The following PSMD1 variants were observed in gnomAD, a reference collection of about 807,000 sequenced individuals.
PSMD1 encodes proteasome 26S subunit, non-ATPase 1, also known as 26S proteasome non-ATPase regulatory subunit 1.
A neutral mutation model predicts 119.0 loss-of-function variants in PSMD1; 18 were observed. The observed-to-expected ratio is 0.15, with a 90% confidence interval of 0.10 to 0.22. PSMD1 has a LOEUF of 0.22. Ranked by LOEUF, PSMD1 falls within the 10% of genes least tolerant of loss-of-function variation. The pLI, the probability that PSMD1 is intolerant of heterozygous loss-of-function variation, is 1.00. For synonymous variants in PSMD1, 374 were observed against 396.6 expected (o/e 0.94, Z 0.68); for missense variants, 702 against 1,158.5 (o/e 0.61, Z 5.72).
At chr2:231,070,809 A>G (rs1352606752) in intron 6 of PSMD1, among the ~76,000 whole-genome samples, 1 of 152,004 alleles carries the variant, frequency 6.6e-6, no homozygotes, top group African/African-American at 2.4e-5. Flanking sequence ...GCATGGGTTT[A>G]CTTTTTAACA....
intron 16 of PSMD1, chr2:231,124,273 C>G (rs908650774): frequency 2.5e-5 from 4 of 159,308 alleles, no homozygotes; most frequent in Non-Finnish European, 5.6e-5. Context: ...TACTGTATTT[C>G]TGATGTTGCT....
chr2:231,099,741 C>G (rs1694817073), intron 16 of PSMD1, among the ~76,000 whole-genome samples: 1 of 152,118 alleles, frequency 6.6e-6, no homozygotes, highest in African/African-American at 2.4e-5. Flanking sequence ...AAATCTCTGC[C>G]TTTTCTGCTA....
chr2:231,105,982 T>C (rs1694964955), intron 16 of PSMD1, among the ~76,000 whole-genome samples: 1 of 151,956 alleles, frequency 6.6e-6, no homozygotes, highest in Non-Finnish European at 1.5e-5. Flanking sequence ...TTTGTTTTCT[T>C]CTCTCCATTA....
chr2:231,058,391 CATA>C, intron 1 of PSMD1, among the ~76,000 whole-genome samples: 1 of 152,324 alleles, frequency 6.6e-6, no homozygotes, highest in East Asian at 1.9e-4. Context: ...ACTTTAATCA[CATA>C]ATACTTCTTT....
In PSMD1 at chr2:231,170,407, T is replaced by C. The variant is rs1192449257; in HGVS notation, c.2716-159T>C. 1.4e-6 allele frequency: 1 copy of C among 700,836 alleles called. No individual in the cohort carries two copies. Among genetic ancestry groups the C allele is most frequent in the Non-Finnish European group, 2.2e-6 (1 of 463,518 alleles). The allele number at this position is 700,836 out of a possible 1,614,324, so 43.4% of individuals were successfully genotyped here. Reference sequence around the variant, plus strand: ...GGGTTAAGTTTGCAAATACTTCGTATAGATCACAGTTATCTTTATCCCAGT... The same window carrying C: ...GGGTTAAGTTTGCAAATACTTCGTACAGATCACAGTTATCTTTATCCCAGT... On this transcript the variant is annotated intron_variant, in intron 23 of 24. Coordinates refer to ENST00000308696, the MANE Select transcript of PSMD1 (RefSeq NM_002807.4). The surrounding 1 kb of genome is among the most constrained non-coding windows in gnomAD (Gnocchi z 4.1).
chr2:231,087,413 T>C (rs189749707), intron 16 of PSMD1, among the ~76,000 whole-genome samples: 1 of 152,312 alleles, frequency 6.6e-6, no homozygotes, highest in African/African-American at 2.4e-5. Flanking sequence ...GTTATTTCTG[T>C]TCATTTTTTG....
At chr2:231,113,773 G>A (rs778441328) in intron 16 of PSMD1, 2 of 1,614,094 alleles carry the variant, frequency 1.2e-6, no homozygotes, top group Admixed American at 3.3e-5. Context: ...GAATGCTGTA[G>A]CCCGTGAGTT....
intron 16 of PSMD1, among the ~76,000 whole-genome samples, chr2:231,125,394 T>G (rs1299022609): frequency 6.6e-6 from 1 of 152,246 alleles, no homozygotes; most frequent in Non-Finnish European, 1.5e-5. Flanking sequence ...AGAGGTTTCA[T>G]TCTTTGAAGA....
rs1208034198 is a variant in PSMD1 at position 231,083,670 on chromosome 2, G to A, written c.1629G>A (p.Lys543=). The A allele has an allele frequency of 6.2e-7, 1 of 1,614,216 alleles. No homozygotes were observed. ...ATGCACAAGAAACTCAACATGAGAA[G>A]ATTCTGCGTGGTCTTGCAGTTGGCA... ...VGYAQETQHE[K]ILRGLAVGIA... Residue 543 remains lysine, a synonymous_variant, in exon 14 of 25, where the codon AAG becomes AAA. Coordinates refer to ENST00000308696, the MANE Select transcript of PSMD1 (RefSeq NM_002807.4).
At chr2:231,128,174 A>G (rs1039246727) in intron 16 of PSMD1, among the ~76,000 whole-genome samples, 2 of 152,246 alleles carry the variant, frequency 1.3e-5, no homozygotes, top group African/African-American at 4.8e-5. Flanking sequence ...CAGGGATTGT[A>G]TCTGCTACAT....
chr2:231,080,703 C>G lies in PSMD1; in HGVS notation c.1413+389C>G, dbSNP rs562042227. On this transcript the variant is annotated intron_variant, in intron 12 of 24. Transcript: ENST00000308696. ...TTTGATAATTGTTTAAAATGTAAAT[C>G]TTTTGGAAAAGCTTACTAAGTAGCC... 2.0e-5 allele frequency among the ~76,000 whole-genome samples: 3 copies of G among 152,236 alleles called. No individual in the cohort carries two copies. In the South Asian group the frequency reaches 6.2e-4, roughly 32 times the overall value.
intron 17 of PSMD1, among the ~76,000 whole-genome samples, chr2:231,143,115 TTTGTTGTTTTTC>T (rs976619378): frequency 3.9e-5 from 6 of 152,080 alleles, no homozygotes; most frequent in Non-Finnish European, 8.8e-5. Flanking sequence ...TGTGGGGTTT[TTTGTTGTTTTTC>T]TTGTTGTTTT....
intron 16 of PSMD1, among the ~76,000 whole-genome samples, chr2:231,119,681 G>A (rs528081879): frequency 6.6e-6 from 1 of 151,990 alleles, no homozygotes; most frequent in East Asian, 2.0e-4. Context: ...GACCAGCCTG[G>A]CCAAAGTGGC....
chr2:231,110,905 T>A (rs939489942), intron 16 of PSMD1, among the ~76,000 whole-genome samples: 1 of 152,352 alleles, frequency 6.6e-6, no homozygotes, highest in Admixed American at 6.5e-5. Flanking sequence ...TGTCTTACCC[T>A]TTATAGAAAA....
At position 231,140,096 on chromosome 2, in the gene PSMD1, T is replaced by TC. The variant is rs1553566465; in HGVS notation, c.1998+1246_1998+1247insC. Among the ~76,000 whole-genome samples the TC allele has an allele frequency of 3.3e-5, 5 of 152,306 alleles. No homozygotes were observed. In the East Asian group the frequency reaches 5.8e-4, roughly 18 times the overall value. ...TCAGAGAGAAAGGAGTCACTTTTTT[T>TC]ATCATCTGTTGTCCAAACTCAAAAC... On this transcript the variant is annotated intron_variant, in intron 17 of 24. Coordinates refer to ENST00000308696, the MANE Select transcript of PSMD1 (RefSeq NM_002807.4).
At chr2:231,059,520 G>A (rs1178538755) in intron 1 of PSMD1, among the ~76,000 whole-genome samples, 2 of 152,134 alleles carry the variant, frequency 1.3e-5, no homozygotes, top group African/African-American at 4.8e-5. Context: ...GCTTCCAGGC[G>A]GGAGATGTGA....
intron 4 of PSMD1, among the ~76,000 whole-genome samples, chr2:231,063,410 T>C (rs954722156): frequency 1.3e-5 from 2 of 152,236 alleles, no homozygotes; most frequent in African/African-American, 4.8e-5. Flanking sequence ...TATCAGACTT[T>C]GGATTCATAG....
chr2:231,143,674 G>C (rs571238800), intron 17 of PSMD1, among the ~76,000 whole-genome samples: 5 of 152,286 alleles, frequency 3.3e-5, no homozygotes, highest in African/African-American at 1.2e-4. Flanking sequence ...AGGCATCCTA[G>C]AACTTTTGTT....
At chr2:231,161,238 TAA>T (rs35533383) in intron 19 of PSMD1, 100 bp from the exon 20 acceptor site, 3,128 of 944,304 alleles carry the variant, frequency 3.3e-3, no homozygotes, top group South Asian at 4.9e-3. Context: ...CCTATCTCTT[TAA>T]AAAAAAAAAA....
Sources: allele counts gnomAD v4.1 joint callset (sites outside exome capture counted in the v4.1 genomes callset), GRCh38; gene constraint gnomAD v4.1.1; non-coding constraint Gnocchi (gnomAD v3.1); transcripts MANE v1.5; gene names NCBI Gene and HGNC (gene_info 2026-07-23, HGNC 2026-07-21).